APBB2: variants seen among roughly 807,000 people sequenced by gnomAD.
The protein encoded by APBB2 is Fe65-like 1.
In APBB2, 38 loss-of-function variants were observed where a neutral mutation model predicts 82.5. The observed-to-expected ratio is 0.46, with a 90% CI of 0.36 to 0.60. The LOEUF (loss-of-function observed/expected upper bound fraction) is 0.60, where lower values mean the gene tolerates loss of function less well. APBB2 is among the 20% of genes least tolerant of loss of function. The pLI is 0.00. For synonymous variants in APBB2, 341 were observed against 368.2 expected (o/e 0.93, Z 0.85); for missense variants, 772 against 972.3 (o/e 0.79, Z 2.74).
At chr4:40,819,176 C>CTTTTTTTTT (rs1188181954) in intron 17 of APBB2, among the ~76,000 whole-genome samples, 1 of 135,214 alleles carries the variant, frequency 7.4e-6, no homozygotes, top group Non-Finnish European at 1.5e-5. Context: ...CCTTGGCTCT[C>CTTTTTTTTT]TTTTTTTTTT....
chr4:40,992,155 A>G (rs913236909), intron 6 of APBB2, among the ~76,000 whole-genome samples: 6 of 138,934 alleles, frequency 4.3e-5, no homozygotes, highest in African/African-American at 1.3e-4. Flanking sequence ...CTGATTATCA[A>G]TGCAGCTGCC....
intron 2 of APBB2, among the ~76,000 whole-genome samples, chr4:41,139,179 C>T (rs1311942141): frequency 2.7e-5 from 4 of 150,892 alleles, no homozygotes; most frequent in African/African-American, 4.9e-5. Flanking sequence ...ACTAGAAAGT[C>T]AACATAATCT....
At chr4:40,878,042 G>T (rs569959175) in intron 12 of APBB2, among the ~76,000 whole-genome samples, 1 of 150,242 alleles carries the variant, frequency 6.7e-6, no homozygotes, top group Non-Finnish European at 1.5e-5. Flanking sequence ...AGGGTGGGTG[G>T]CTGAGCATTA....
intron 1 of APBB2, among the ~76,000 whole-genome samples, chr4:41,190,256 T>A (rs978895634): frequency 7.1e-6 from 1 of 140,306 alleles, no homozygotes; most frequent in African/African-American, 2.7e-5. Flanking sequence ...TTTTTTTTTT[T>A]TTTTTTTTTT....
chr4:40,897,798 A>C (rs1306981927), intron 10 of APBB2, among the ~76,000 whole-genome samples: 1 of 152,158 alleles, frequency 6.6e-6, no homozygotes, highest in Non-Finnish European at 1.5e-5. Flanking sequence ...TGTGGCCAGG[A>C]AGGTTCATAA....
intron 12 of APBB2, among the ~76,000 whole-genome samples, chr4:40,836,686 C>T (rs2154307867): frequency 6.6e-6 from 1 of 152,260 alleles, no homozygotes. Context: ...GGGTAGAGAG[C>T]TTTCCAGAAC....
At chr4:41,082,925 G>A (rs1738185075) in intron 3 of APBB2, among the ~76,000 whole-genome samples, 2 of 152,084 alleles carry the variant, frequency 1.3e-5, no homozygotes, top group South Asian at 4.2e-4. Flanking sequence ...CACCTTGGGA[G>A]GCCGAGGCGG....
At chr4:41,026,749 T>A (rs534130929) in intron 5 of APBB2, among the ~76,000 whole-genome samples, 40 of 152,360 alleles carry the variant, frequency 2.6e-4, no homozygotes, top group African/African-American at 9.1e-4. Flanking sequence ...ATTTGGGTTG[T>A]TTTCAGTTTT....
At chr4:40,931,460 A>T (rs2154373836) in intron 10 of APBB2, among the ~76,000 whole-genome samples, 1 of 152,146 alleles carries the variant, frequency 6.6e-6, no homozygotes, top group South Asian at 2.1e-4. Context: ...TTGTAGCGAC[A>T]AGGTCTTGCT....
chr4:40,822,705 C>G (rs1748419100), intron 16 of APBB2, among the ~76,000 whole-genome samples: 1 of 152,202 alleles, frequency 6.6e-6, no homozygotes, highest in African/African-American at 2.4e-5. Flanking sequence ...ATAAACACAT[C>G]CAAAATGTTG....
intron 12 of APBB2, among the ~76,000 whole-genome samples, chr4:40,861,637 C>A (rs1157443459): frequency 1.3e-5 from 2 of 152,106 alleles, no homozygotes; most frequent in Non-Finnish European, 2.9e-5. Flanking sequence ...GGGGCTTGTA[C>A]AGAAAAGGTA....
chr4:41,150,483 A>T (rs1359107185), intron 1 of APBB2, among the ~76,000 whole-genome samples: 1 of 152,230 alleles, frequency 6.6e-6, no homozygotes, highest in East Asian at 1.9e-4. Context: ...TCACAATTCC[A>T]TGCTGTCATT....
At chr4:40,956,687 T>G (rs1324749372) in intron 6 of APBB2, among the ~76,000 whole-genome samples, 1 of 152,210 alleles carries the variant, frequency 6.6e-6, no homozygotes, top group Admixed American at 6.5e-5. Flanking sequence ...ATATTTTTCA[T>G]TAAAAAATTA....
intron 1 of APBB2, among the ~76,000 whole-genome samples, chr4:41,173,172 C>T (rs1428577663): frequency 6.6e-6 from 1 of 152,196 alleles, no homozygotes; most frequent in African/African-American, 2.4e-5. Context: ...GAAAAACTCG[C>T]TTTTATCTCA....
chr4:41,181,182 C>T (rs1028148415), intron 1 of APBB2, among the ~76,000 whole-genome samples: 13 of 152,126 alleles, frequency 8.5e-5, no homozygotes, highest in Non-Finnish European at 1.8e-4. Flanking sequence ...CATTCAATTC[C>T]AAGCAGGCAC....
chr4:40,890,531 G>A (rs746786251), intron 11 of APBB2, 40 bp from the exon 12 acceptor site: 3 of 1,610,210 alleles, frequency 1.9e-6, no homozygotes, highest in South Asian at 1.1e-5. Context: ...TCTTCATGCA[G>A]GCTGGAAAGC....
intron 6 of APBB2, among the ~76,000 whole-genome samples, chr4:40,949,560 G>A (rs1468481819): frequency 2.0e-5 from 3 of 152,036 alleles, no homozygotes; most frequent in East Asian, 1.9e-4. Flanking sequence ...GCCGCCCTCC[G>A]ATGGTTATCA....
chr4:41,097,328 G>A (rs1743849957), intron 3 of APBB2, among the ~76,000 whole-genome samples: 1 of 152,166 alleles, frequency 6.6e-6, no homozygotes. Flanking sequence ...TTCAGAATAT[G>A]TCTGGCTACA....
intron 3 of APBB2, among the ~76,000 whole-genome samples, chr4:41,087,367 G>A (rs541847960): frequency 3.3e-4 from 50 of 152,240 alleles, no homozygotes; most frequent in Admixed American, 2.7e-3. Context: ...AATCTATAAA[G>A]TATATTCAAC....
Sources: allele counts gnomAD v4.1 joint callset (sites outside exome capture counted in the v4.1 genomes callset), GRCh38; gene constraint gnomAD v4.1.1; transcripts MANE v1.5; gene names NCBI Gene and HGNC (gene_info 2026-07-23, HGNC 2026-07-21).